Variants in ABLIM2 observed in about 807,000 individuals in gnomAD.
The protein encoded by ABLIM2 is actin-binding LIM protein 2.
A neutral mutation model predicts 97.7 loss-of-function variants in ABLIM2; 53 were observed. That is an observed-to-expected ratio of 0.54 (90% CI 0.44 to 0.68). The LOEUF (loss-of-function observed/expected upper bound fraction) is 0.68. ABLIM2 is among the 30% of genes least tolerant of loss of function. The probability of loss-of-function intolerance (pLI) is 0.00; values close to 1 mark genes in which losing one functional copy is unlikely to be tolerated. For synonymous variants in ABLIM2, 361 were observed against 345.8 expected (o/e 1.04, Z -0.49); for missense variants, 835 against 867.2 (o/e 0.96, Z 0.47).
At chr4:8,065,179 G>A (rs1195502706) in intron 6 of ABLIM2, among the ~76,000 whole-genome samples, 1 of 152,200 alleles carries the variant, frequency 6.6e-6, no homozygotes, top group African/African-American at 2.4e-5. Context: ...TTGAGCTCAG[G>A]AGCTCTAAGT....
rs746577952 is a variant in ABLIM2, at chr4:7,977,357, TAC to T, written c.1824+5905_1824+5906del. Among the ~76,000 whole-genome samples, 5 of 152,150 alleles carry T rather than the reference TAC, an allele frequency of 3.3e-5. No individual in the cohort carries two copies. In the East Asian group the frequency reaches 9.7e-4, roughly 30 times the overall value. Reference sequence around the variant, plus strand: ...TTATAGCAGTGTAAAAATGGATGAATACACACACATACCCACATGTATATGCA... The same window carrying T: ...TTATAGCAGTGTAAAAATGGATGAATACACACATACCCACATGTATATGCA... On this transcript the variant is annotated intron_variant, in intron 20 of 20. Transcript: ENST00000447017.
intron 1 of ABLIM2, among the ~76,000 whole-genome samples, chr4:8,144,689 G>A (rs979908480): frequency 1.4e-4 from 21 of 152,212 alleles, no homozygotes; most frequent in South Asian, 4.1e-4. Flanking sequence ...AAAATGGGGA[G>A]TCACAGCTCC....
rs140598722 is a variant in ABLIM2 at position 8,003,751 on chromosome 4, G to C, written c.1618+4308C>G. ...TGGCTGATTTTTTGTGTTTAGTAGA[G>C]ACGGGGTTTCACCATGTTGGTCAGG... is the stretch of plus-strand genomic sequence containing the variant. On this transcript the variant is annotated intron_variant, in intron 16 of 20. Transcript: ENST00000447017. The surrounding 1 kb of genome is among the most constrained non-coding windows in gnomAD (Gnocchi z 4.2). Among the ~76,000 whole-genome samples the C allele has an allele frequency of 0.013, 2,035 of 152,040 alleles. 31 individuals are homozygous for C. The highest frequency in any genetic ancestry group is 0.023 in the Non-Finnish European group (1,541 of 67,972).
chr4:7,984,159 C>T lies in ABLIM2; in HGVS notation c.1736-605G>A, dbSNP rs749476236. Among the ~76,000 whole-genome samples, 76 of 152,206 alleles carry T rather than the reference C, an allele frequency of 5.0e-4. 1 individual carries two copies. The highest frequency in any genetic ancestry group is 9.1e-4 in the Non-Finnish European group (62 of 68,038). On this transcript the variant is annotated intron_variant, in intron 18 of 20. Transcript: ENST00000447017. ...CAGAACCTGGTCCTCAAGCCAGTCTCGGAAGGGAGACCCCGTGTCGGGAGC... is the reference window on the plus strand; with the variant it reads ...CAGAACCTGGTCCTCAAGCCAGTCTTGGAAGGGAGACCCCGTGTCGGGAGC...
intron 10 of ABLIM2, among the ~76,000 whole-genome samples, chr4:8,034,528 T>G (rs929095620): frequency 2.0e-3 from 13 of 6,472 alleles, no homozygotes; most frequent in Non-Finnish European, 2.4e-3. Flanking sequence ...GGTGGGTGGG[T>G]GGTAGGTAGG....
chr4:7,991,948 G>A (rs1749083965), intron 17 of ABLIM2, among the ~76,000 whole-genome samples: 1 of 152,216 alleles, frequency 6.6e-6, no homozygotes, highest in African/African-American at 2.4e-5. Flanking sequence ...AGCCACGGCT[G>A]CTCCAGCGCA....
At chr4:8,010,193 G>A (rs1764015731) in intron 14 of ABLIM2, among the ~76,000 whole-genome samples, 1 of 152,220 alleles carries the variant, frequency 6.6e-6, no homozygotes, top group African/African-American at 2.4e-5. Flanking sequence ...GCCTTTTTCT[G>A]GGGGGTTGTC....
At chr4:7,973,384 C>T (rs1729878573) in intron 20 of ABLIM2, among the ~76,000 whole-genome samples, 1 of 151,664 alleles carries the variant, frequency 6.6e-6, no homozygotes, top group Non-Finnish European at 1.5e-5. Flanking sequence ...GCCTGTAGTC[C>T]CAGCTACCCG....
chr4:7,993,927 C>T (rs751437305), intron 16 of ABLIM2: 1 of 514,456 alleles, frequency 1.9e-6, no homozygotes, highest in African/African-American at 1.9e-5. Context: ...GAGTTTGAGA[C>T]CTCCGAAGTA....
intron 16 of ABLIM2, among the ~76,000 whole-genome samples, chr4:7,997,312 C>T (rs1012966264): frequency 3.9e-5 from 6 of 152,272 alleles, no homozygotes; most frequent in East Asian, 1.9e-4. Context: ...TCTCGTGATC[C>T]GCCCACCTCG....
chr4:7,978,152 CCTG>C (rs1735032688), intron 20 of ABLIM2, among the ~76,000 whole-genome samples: 1 of 152,182 alleles, frequency 6.6e-6, no homozygotes, highest in Non-Finnish European at 1.5e-5. Context: ...CCCTTTCTCT[CCTG>C]CTGGGAGGTG....
At chr4:8,077,805 T>A (rs1468505384) in intron 5 of ABLIM2, 84 bp from the exon 6 acceptor site, 2 of 1,245,628 alleles carry the variant, frequency 1.6e-6, no homozygotes, top group Non-Finnish European at 2.3e-6. Context: ...CAAGAGAGTC[T>A]GCCCTCAAAG....
rs370845329 is a variant in ABLIM2 at position 8,148,326 on chromosome 4, G to T, written c.10+10354C>A. Among the ~76,000 whole-genome samples, 18 of 152,308 alleles carry T rather than the reference G, an allele frequency of 1.2e-4. No homozygotes were observed. In the East Asian group the frequency reaches 1.7e-3, roughly 15 times the overall value. On this transcript the variant is annotated intron_variant, in intron 1 of 20. Coordinates refer to ENST00000447017, the MANE Select transcript of ABLIM2 (RefSeq NM_001130083.2). The surrounding 1 kb of genome is among the most constrained non-coding windows in gnomAD (Gnocchi z 6.7). ...GCAGGTGACCTAAGCAGCACTGTGG[G>T]CCTGCGGAGGCCTCCCCACTGGATT...
intron 20 of ABLIM2, among the ~76,000 whole-genome samples, chr4:7,969,858 C>T (rs1726338221): frequency 1.3e-5 from 2 of 152,042 alleles, no homozygotes; most frequent in African/African-American, 4.8e-5. Context: ...TGGTGCTTGC[C>T]AGAAATGAAC....
chr4:7,992,765 G>A lies in ABLIM2; in HGVS notation c.1680+101C>T, dbSNP rs1368750558. The A allele has an allele frequency of 1.4e-5, 19 of 1,354,520 alleles. No individual in the cohort carries two copies. The highest frequency in any genetic ancestry group is 6.2e-5 in the South Asian group (5 of 80,072). The allele number at this position is 1,354,520 out of a possible 1,614,324, so 83.9% of individuals were successfully genotyped here. On this transcript the variant is annotated intron_variant, in intron 17 of 20. Coordinates refer to ENST00000447017, the MANE Select transcript of ABLIM2 (RefSeq NM_001130083.2). The surrounding 1 kb of genome is among the most constrained non-coding windows in gnomAD (Gnocchi z 5.7). ...GAGGCAGGTGGGCCGCGGGGTCCCCGGGGCCTCTCCTCCTGCTGTGTGGTC... is the reference window on the plus strand; with the variant it reads ...GAGGCAGGTGGGCCGCGGGGTCCCCAGGGCCTCTCCTCCTGCTGTGTGGTC...
intron 20 of ABLIM2, among the ~76,000 whole-genome samples, chr4:7,974,364 C>CA (rs1730925926): frequency 6.7e-6 from 1 of 149,556 alleles, no homozygotes; most frequent in Non-Finnish European, 1.5e-5. Flanking sequence ...TCCACTCCTC[C>CA]ATTCATCCAT....
Position 8,003,561 on chromosome 4 carries a change from CTTTT to C in ABLIM2, c.1618+4494_1618+4497del, listed in dbSNP as rs796877068. Among the ~76,000 whole-genome samples the C allele has an allele frequency of 4.2e-5, 5 of 120,196 alleles. No individual in the cohort carries two copies. 78.9% of individuals were successfully genotyped at this position (120,196 alleles called of 152,430 possible). A position where few individuals can be genotyped will look rare whatever the true frequency, so the allele number is the denominator to read the frequency against. Reference sequence around the variant, plus strand: ...ACCACTACGCTCTTCTTCCAGTTTTCTTTTTTTTTTTTTTTTTTTTTGGAGATGG... The same window carrying C: ...ACCACTACGCTCTTCTTCCAGTTTTCTTTTTTTTTTTTTTTTTGGAGATGG... On this transcript the variant is annotated intron_variant, in intron 16 of 20. Transcript: ENST00000447017. This position sits in a 1 kb window ranked among gnomAD's most constrained non-coding sequence, Gnocchi z 4.2.
rs941196823 is a variant in ABLIM2, at chr4:8,004,433, G to A, written c.1618+3626C>T. The stretch of plus-strand genomic sequence containing the variant: ...ATCCCACCTCTCACACATGCCTCAT[G>A]TGCTGGGATTGGAGGAAAGGGTCTT... On this transcript the variant is annotated intron_variant, in intron 16 of 20. Coordinates refer to ENST00000447017, the MANE Select transcript of ABLIM2 (RefSeq NM_001130083.2). The surrounding 1 kb of genome is among the most constrained non-coding windows in gnomAD (Gnocchi z 5.9). 2.6e-5 allele frequency among the ~76,000 whole-genome samples: 4 copies of A among 152,180 alleles called. No individual in the cohort carries two copies. Among genetic ancestry groups the A allele is most frequent in the Non-Finnish European group, 5.9e-5 (4 of 68,044 alleles).
At chr4:8,081,149 G>A (rs1471796509) in intron 4 of ABLIM2, among the ~76,000 whole-genome samples, 1 of 151,958 alleles carries the variant, frequency 6.6e-6, no homozygotes, top group Non-Finnish European at 1.5e-5. Flanking sequence ...GTGACTCGAT[G>A]TGCCCCCCAA....
Sources: allele counts gnomAD v4.1 joint callset (sites outside exome capture counted in the v4.1 genomes callset), GRCh38; gene constraint gnomAD v4.1.1; non-coding constraint Gnocchi (gnomAD v3.1); transcripts MANE v1.5; gene names NCBI Gene and HGNC (gene_info 2026-07-23, HGNC 2026-07-21).